The following CHCHD6 variants were observed in gnomAD, a reference collection of about 807,000 sequenced individuals.
CHCHD6 encodes the protein coiled-coil-helix-coiled-coil-helix domain containing 6.
A neutral mutation model predicts 32.3 loss-of-function variants in CHCHD6; 28 were observed. The ratio of observed to expected loss-of-function variants is 0.87; its 90% CI spans 0.64 to 1.19. The LOEUF is 1.19. CHCHD6 is among the 50% of genes most tolerant of loss of function. CHCHD6 has a pLI of 0.00. For missense variants in CHCHD6, 333 were observed against 307.0 expected (o/e 1.08, Z -0.63); for synonymous variants, 122 against 117.5 (o/e 1.04, Z -0.25).
Position 126,776,424 on chromosome 3 carries a change from T to G in CHCHD6, c.411+43202T>G, listed in dbSNP as rs116098453. Among the ~76,000 whole-genome samples the G allele has an allele frequency of 6.2e-3, 943 of 152,292 alleles. 8 individuals are homozygous for G. Among genetic ancestry groups the G allele is most frequent in the African/African-American group, 0.021 (889 of 41,554 alleles). The stretch of plus-strand genomic sequence containing the variant: ...TCTGCCTTACATTCTCTCAGCTCAG[T>G]AAAGTGAGGCTTCAGTTATATTCCA... On this transcript the variant is annotated intron_variant, in intron 4 of 7. Coordinates refer to ENST00000290913, the MANE Select transcript of CHCHD6 (RefSeq NM_032343.3).
chr3:126,828,330 C>T (rs1576464805), intron 4 of CHCHD6, among the ~76,000 whole-genome samples: 1 of 152,386 alleles, frequency 6.6e-6, no homozygotes, highest in East Asian at 1.9e-4. Context: ...TTCCCACTGG[C>T]TTCAGTGCTG....
At chr3:126,801,492 G>A (rs558130709) in intron 4 of CHCHD6, among the ~76,000 whole-genome samples, 6 of 152,316 alleles carry the variant, frequency 3.9e-5, no homozygotes, top group East Asian at 3.9e-4. Flanking sequence ...ACTGCAAGGC[G>A]GCAGCGAAGC....
intron 3 of CHCHD6, among the ~76,000 whole-genome samples, chr3:126,732,504 G>T (rs912028212): frequency 2.0e-5 from 3 of 152,144 alleles, no homozygotes; most frequent in Non-Finnish European, 4.4e-5. Context: ...ATCATTATAT[G>T]ATCACACCAT....
intron 4 of CHCHD6, among the ~76,000 whole-genome samples, chr3:126,813,765 A>T (rs923144745): frequency 1.3e-5 from 2 of 152,188 alleles, no homozygotes; most frequent in African/African-American, 4.8e-5. Flanking sequence ...ACTAGCAGTA[A>T]TTCTAGCCCT....
At chr3:126,852,409 A>G (rs940365626) in intron 4 of CHCHD6, among the ~76,000 whole-genome samples, 1 of 152,250 alleles carries the variant, frequency 6.6e-6, no homozygotes, top group East Asian at 1.9e-4. Flanking sequence ...CAGGACTCCC[A>G]TAATCAATAA....
intron 6 of CHCHD6, among the ~76,000 whole-genome samples, chr3:126,941,458 T>A (rs2078557771): frequency 1.3e-5 from 2 of 152,244 alleles, no homozygotes; most frequent in African/African-American, 4.8e-5. Flanking sequence ...GCCTTGATGA[T>A]CTTTTTGCAT....
intron 4 of CHCHD6, among the ~76,000 whole-genome samples, chr3:126,776,027 A>T (rs1937636663): frequency 6.6e-6 from 1 of 152,190 alleles, no homozygotes. Flanking sequence ...GTGAGCTGGG[A>T]TCTGAAGTGG....
intron 1 of CHCHD6, among the ~76,000 whole-genome samples, chr3:126,725,383 G>A (rs1935484229): frequency 6.6e-6 from 1 of 152,208 alleles, no homozygotes; most frequent in South Asian, 2.1e-4. Flanking sequence ...GGTCTCAACA[G>A]TGGGCTTAAA....
chr3:126,716,869 C>A (rs910655337), intron 1 of CHCHD6, among the ~76,000 whole-genome samples: 6 of 152,084 alleles, frequency 3.9e-5, no homozygotes, highest in Admixed American at 2.0e-4. Context: ...CGTGCAGTCC[C>A]CTTTGAGGCT....
intron 4 of CHCHD6, among the ~76,000 whole-genome samples, chr3:126,801,292 G>A (rs1310576170): frequency 2.0e-5 from 3 of 152,234 alleles, no homozygotes; most frequent in Admixed American, 6.5e-5. Flanking sequence ...AGGGGTCAGG[G>A]AGTTCCCTTT....
chr3:126,837,491 G>A (rs942812013), intron 4 of CHCHD6, among the ~76,000 whole-genome samples: 3 of 152,210 alleles, frequency 2.0e-5, no homozygotes, highest in Non-Finnish European at 4.4e-5. Context: ...CCAGGAGGTC[G>A]AGGCTGGGGT....
intron 5 of CHCHD6, among the ~76,000 whole-genome samples, chr3:126,898,505 AATTT>A (rs1358409524): frequency 2.0e-5 from 3 of 152,094 alleles, no homozygotes; most frequent in Admixed American, 6.5e-5. Flanking sequence ...ATTGGTGGTG[AATTT>A]ATTTATTTAG....
At chr3:126,915,872 C>A (rs990572836) in intron 6 of CHCHD6, among the ~76,000 whole-genome samples, 1 of 152,104 alleles carries the variant, frequency 6.6e-6, no homozygotes, top group Admixed American at 6.5e-5. Flanking sequence ...CTCAATGCAG[C>A]CTTGACCTCC....
At chr3:126,767,148 A>T (rs1164290922) in intron 4 of CHCHD6, 7 of 1,588,022 alleles carry the variant, frequency 4.4e-6, no homozygotes, top group Non-Finnish European at 5.2e-6. Flanking sequence ...TGGCACCCAA[A>T]GGAATAGAGG....
intron 6 of CHCHD6, among the ~76,000 whole-genome samples, chr3:126,954,900 T>C (rs930146565): frequency 5.3e-5 from 8 of 152,218 alleles, no homozygotes; most frequent in African/African-American, 1.9e-4. Context: ...CCCACTGCCC[T>C]GCAGATTTAA....
intron 4 of CHCHD6, among the ~76,000 whole-genome samples, chr3:126,734,218 C>T (rs76266074): frequency 0.021 from 3,125 of 152,302 alleles, 44 homozygotes; most frequent in Non-Finnish European, 0.031. Context: ...GCAGCTAGGG[C>T]TCTTTTCTAG....
intron 4 of CHCHD6, chr3:126,766,858 T>C (rs1169805196): frequency 1.6e-5 from 15 of 958,174 alleles, no homozygotes; most frequent in Non-Finnish European, 2.2e-5. Context: ...TCCAGGGAAG[T>C]CAAACAGCTT....
At chr3:126,747,184 A>T (rs746677297) in intron 4 of CHCHD6, among the ~76,000 whole-genome samples, 3 of 152,040 alleles carry the variant, frequency 2.0e-5, no homozygotes, top group Non-Finnish European at 2.9e-5. Flanking sequence ...GCTGCTGGTG[A>T]TGCCTCAGTT....
At chr3:126,790,786 G>C (rs1315959702) in intron 4 of CHCHD6, among the ~76,000 whole-genome samples, 2 of 152,132 alleles carry the variant, frequency 1.3e-5, no homozygotes, top group South Asian at 2.1e-4. Flanking sequence ...CTTTAGCTCA[G>C]AGAAGTTTGA....
Sources: gnomAD v4.1 joint callset for allele counts (sites outside exome capture counted in the v4.1 genomes callset) on GRCh38, gnomAD v4.1.1 for gene constraint, MANE v1.5 for transcripts, NCBI Gene and HGNC (gene_info 2026-07-23, HGNC 2026-07-21) for gene names.